Variants in ARHGAP39 observed in about 807,000 individuals in gnomAD.
The protein encoded by ARHGAP39 is rho GTPase-activating protein 39.
Under a neutral mutation model 106.9 loss-of-function variants are expected in ARHGAP39, and 44 were observed. The observed-to-expected ratio is 0.41, with a 90% CI of 0.32 to 0.53. ARHGAP39 has a LOEUF of 0.53. Among genes scored for constraint, ARHGAP39 ranks in the 20% least tolerant of loss-of-function variants. The pLI is 0.21. For missense variants in ARHGAP39, 1,496 were observed against 1,577.3 expected (o/e 0.95, Z 0.87); for synonymous variants, 768 against 693.2 (o/e 1.11, Z -1.69).
intron 2 of ARHGAP39, among the ~76,000 whole-genome samples, chr8:144,594,367 G>T (rs1376481226): frequency 6.6e-6 from 1 of 152,146 alleles, no homozygotes; most frequent in Non-Finnish European, 1.5e-5. Flanking sequence ...AACTGGTGTG[G>T]CCACTGTGGA....
chr8:144,567,866 C>A (rs1818457001), intron 3 of ARHGAP39, among the ~76,000 whole-genome samples: 1 of 152,184 alleles, frequency 6.6e-6, no homozygotes, highest in Non-Finnish European at 1.5e-5. Flanking sequence ...CCTTATCCTG[C>A]CCCTTTGTCT....
chr8:144,649,286 CA>C (rs950017810), intron 1 of ARHGAP39, among the ~76,000 whole-genome samples: 18 of 146,376 alleles, frequency 1.2e-4, no homozygotes, highest in East Asian at 2.0e-4. Flanking sequence ...ACTAAAAATA[CA>C]AAAAAAAAAC....
Position 144,665,024 on chromosome 8 carries a change from C to T in ARHGAP39, c.-82+20662G>A, listed in dbSNP as rs535017637. 5.9e-5 allele frequency among the ~76,000 whole-genome samples: 9 copies of T among 152,244 alleles called. No individual in the cohort carries two copies. In the East Asian group the frequency reaches 7.7e-4, roughly 13 times the overall value. Reference sequence around the variant, plus strand: ...TGGAACCTCCTAGAGACTTGTTGAACGGTTGACAAAAATGCCGATAGTGAT... The same window carrying T: ...TGGAACCTCCTAGAGACTTGTTGAATGGTTGACAAAAATGCCGATAGTGAT... On this transcript the variant is annotated intron_variant, in intron 1 of 11. Transcript: ENST00000377307.
intron 6 of ARHGAP39, among the ~76,000 whole-genome samples, chr8:144,540,521 C>G (rs967265609): frequency 6.6e-6 from 1 of 152,182 alleles, no homozygotes; most frequent in African/African-American, 2.4e-5. Flanking sequence ...AAATATGAGG[C>G]CAGGCTTGGT....
the ARHGAP39 span, among the ~76,000 whole-genome samples, chr8:144,691,608 C>T: frequency 6.6e-6 from 1 of 152,144 alleles, no homozygotes. Flanking sequence ...GGGTCACAGT[C>T]TTCCCAGATG....
chr8:144,568,507 C>T (rs945010363), intron 3 of ARHGAP39, among the ~76,000 whole-genome samples: 29 of 152,030 alleles, frequency 1.9e-4, no homozygotes, highest in African/African-American at 7.0e-4. Flanking sequence ...ATCAAGAGCA[C>T]AGGAAACAGG....
At chr8:144,561,136 G>A (rs1818125833) in intron 3 of ARHGAP39, among the ~76,000 whole-genome samples, 1 of 152,030 alleles carries the variant, frequency 6.6e-6, no homozygotes, top group Admixed American at 6.6e-5. Flanking sequence ...GGTTTCCATT[G>A]CACCCCAGCG....
intron 4 of ARHGAP39, among the ~76,000 whole-genome samples, chr8:144,554,181 G>C (rs1308741686): frequency 6.6e-6 from 1 of 152,216 alleles, no homozygotes; most frequent in Non-Finnish European, 1.5e-5. Context: ...TTGGACCTTC[G>C]TGGAGACCAG....
rs1554600852 is a variant in ARHGAP39 at position 144,580,832 on chromosome 8, GC to G, written c.512+13del. 1.5e-6 allele frequency: 2 copies of G among 1,320,454 alleles called. No individual in the cohort carries two copies. Among genetic ancestry groups the G allele is most frequent in the East Asian group, 3.9e-5 (1 of 25,882 alleles). 81.8% of individuals were successfully genotyped at this position (1,320,454 alleles called of 1,614,324 possible). On this transcript the variant is annotated intron_variant, in intron 3 of 11. Coordinates refer to ENST00000377307, the MANE Select transcript of ARHGAP39 (RefSeq NM_025251.3). ...TCACCTGGCCCCGCCCATAGCAGCT[GC>G]CCCCGCCCTCACCTGCCGCTGTCCT...
intron 2 of ARHGAP39, among the ~76,000 whole-genome samples, chr8:144,603,139 CTG>C (rs761144121): frequency 1.6e-5 from 2 of 127,514 alleles, no homozygotes; most frequent in Non-Finnish European, 3.2e-5. Context: ...GCTGGTGTAC[CTG>C]TGTGCATGTG....
chr8:144,544,332 C>T (rs1266976727), intron 6 of ARHGAP39, among the ~76,000 whole-genome samples: 1 of 152,244 alleles, frequency 6.6e-6, no homozygotes, highest in Non-Finnish European at 1.5e-5. Context: ...ACCTCCTCCA[C>T]ACCTGGGCTG....
intron 1 of ARHGAP39, among the ~76,000 whole-genome samples, chr8:144,619,565 T>G (rs1328509428): frequency 1.3e-5 from 2 of 150,804 alleles, no homozygotes; most frequent in Admixed American, 6.6e-5. Context: ...ACAGCGTGAG[T>G]ACCCGTGTGT....
chr8:144,695,099 G>C, the ARHGAP39 span, among the ~76,000 whole-genome samples: 7 of 142,532 alleles, frequency 4.9e-5, no homozygotes, highest in East Asian at 1.5e-3. Flanking sequence ...TTTTGAGCTG[G>C]AGTCTCCCTC....
chr8:144,534,128 C>T lies in ARHGAP39; in HGVS notation c.2688+1G>A. 1 of 1,612,754 alleles carries T rather than the reference C, an allele frequency of 6.2e-7. No individual in the cohort carries two copies. Among genetic ancestry groups the T allele is most frequent in the Non-Finnish European group, 8.5e-7 (1 of 1,179,650 alleles). On this transcript the variant is annotated splice_donor_variant, in intron 8 of 11. Coordinates refer to ENST00000377307, the MANE Select transcript of ARHGAP39 (RefSeq NM_025251.3). LOFTEE classifies it high-confidence loss of function. ...CCCCGGCCCCCCAGGCGCACCCGTA[C>T]CTTCTTGGCCCCGGTCAGGGCTGCC...
upstream of ARHGAP39, among the ~76,000 whole-genome samples, chr8:144,686,829 T>TGAA (rs1822601703): frequency 1.3e-5 from 2 of 151,962 alleles, no homozygotes; most frequent in African/African-American, 4.8e-5. Context: ...CCATGACTGC[T>TGAA]GAAGAAAATC....
chr8:144,624,075 C>T (rs974170386), intron 1 of ARHGAP39, among the ~76,000 whole-genome samples: 1 of 152,198 alleles, frequency 6.6e-6, no homozygotes, highest in African/African-American at 2.4e-5. Flanking sequence ...TCAGAAAGAG[C>T]CCAGACCTCA....
chr8:144,672,956 C>T (rs1822136003), intron 1 of ARHGAP39, among the ~76,000 whole-genome samples: 1 of 152,156 alleles, frequency 6.6e-6, no homozygotes, highest in Non-Finnish European at 1.5e-5. Context: ...GTGGTTCATG[C>T]CTGTAATCCC....
At chr8:144,682,985 C>A (rs1327649800) in intron 1 of ARHGAP39, among the ~76,000 whole-genome samples, 2 of 151,942 alleles carry the variant, frequency 1.3e-5, no homozygotes, top group Non-Finnish European at 2.9e-5. Context: ...CCACTGCACT[C>A]CAGCCTGGCC....
chr8:144,545,682 G>T lies in ARHGAP39; in HGVS notation c.2088C>A (p.Asn696Lys). ...GCTTGTTGAAGTGCTTGGAGGCCCAGTTCTCGATGTCCGTCTCCGAGGAGG... is the reference window on the plus strand; with the variant it reads ...GCTTGTTGAAGTGCTTGGAGGCCCATTTCTCGATGTCCGTCTCCGAGGAGG... ...RKPSSETDIE[N>K]WASKHFNKHT... Residue 696 changes from asparagine (N) to lysine (K), a missense_variant, in exon 6 of 12, where the codon AAC becomes AAA. Physicochemically the swap from Asn to Lys is moderately conservative, Grantham distance 94. Around this residue, in one of 4 missense-constraint regions of ARHGAP39, gnomAD observed 470 missense variants for 605.1 expected, o/e 0.78. Coordinates refer to ENST00000377307, the MANE Select transcript of ARHGAP39 (RefSeq NM_025251.3). The T allele has an allele frequency of 1.2e-6, 2 of 1,613,444 alleles. No homozygotes were observed. The highest frequency in any genetic ancestry group is 1.7e-6 in the Non-Finnish European group (2 of 1,180,006).
Sources: allele counts gnomAD v4.1 joint callset (sites outside exome capture counted in the v4.1 genomes callset), GRCh38; gene constraint gnomAD v4.1.1; regional missense constraint gnomAD v4.1.1; transcripts MANE v1.5; gene names NCBI Gene and HGNC (gene_info 2026-07-23, HGNC 2026-07-21).